CNTNAP4: variants seen among roughly 807,000 people sequenced by gnomAD.
The protein encoded by CNTNAP4 is contactin associated protein family member 4, also known as contactin-associated protein-like 4.
Under a neutral mutation model 148.4 loss-of-function variants are expected in CNTNAP4, and 98 were observed. That is an observed-to-expected ratio of 0.66 (90% CI 0.56 to 0.78). The LOEUF (loss-of-function observed/expected upper bound fraction) is 0.78. CNTNAP4 is among the 30% of genes least tolerant of loss of function. The pLI is 0.00. For synonymous variants in CNTNAP4, 730 were observed against 565.1 expected (o/e 1.29, Z -4.14); for missense variants, 1,935 against 1,565.6 (o/e 1.24, Z -3.98).
intron 3 of CNTNAP4, among the ~76,000 whole-genome samples, chr16:76,415,368 A>G (rs1431434431): frequency 1.3e-5 from 2 of 151,236 alleles, no homozygotes; most frequent in African/African-American, 2.4e-5. Context: ...AGAACTTAAA[A>G]TGAGCATATC....
intron 14 of CNTNAP4, among the ~76,000 whole-genome samples, chr16:76,497,284 A>G (rs2082430912): frequency 6.6e-6 from 1 of 152,218 alleles, no homozygotes. Flanking sequence ...CGTTAAATGA[A>G]TTATGTCTTA....
chr16:76,473,856 GT>G (rs375772105), intron 10 of CNTNAP4, among the ~76,000 whole-genome samples: 53,960 of 147,430 alleles, frequency 0.37, 11,066 homozygotes, highest in Middle Eastern at 0.48. Flanking sequence ...TTTTTGTTTT[GT>G]TTTGTTTTGT....
intron 10 of CNTNAP4, among the ~76,000 whole-genome samples, chr16:76,470,114 G>A (rs1313164469): frequency 1.3e-5 from 2 of 152,038 alleles, no homozygotes; most frequent in East Asian, 3.9e-4. Context: ...TTTCCTATAA[G>A]TATGGAAACA....
At chr16:76,398,236 C>T (rs1030732488) in intron 3 of CNTNAP4, among the ~76,000 whole-genome samples, 2 of 150,586 alleles carry the variant, frequency 1.3e-5, no homozygotes, top group Non-Finnish European at 3.0e-5. Flanking sequence ...ATGGTGCCCA[C>T]CCTGGTTGAG....
At chr16:76,289,542 T>TTTA (rs1555514281) in intron 1 of CNTNAP4, among the ~76,000 whole-genome samples, 3 of 151,326 alleles carry the variant, frequency 2.0e-5, no homozygotes, top group African/African-American at 4.9e-5. Context: ...TTTTTTTTTT[T>TTTA]ACCAGCATTA....
At chr16:76,377,422 G>C (rs2015531799) in intron 3 of CNTNAP4, among the ~76,000 whole-genome samples, 1 of 152,168 alleles carries the variant, frequency 6.6e-6, no homozygotes. Flanking sequence ...AATGATGGAA[G>C]AGAGTCGGAA....
At chr16:76,294,788 AC>A (rs779128009) in intron 1 of CNTNAP4, among the ~76,000 whole-genome samples, 7 of 152,170 alleles carry the variant, frequency 4.6e-5, no homozygotes, top group Non-Finnish European at 1.0e-4. Flanking sequence ...ACATTGTGGT[AC>A]CTGTCATTAC....
At chr16:76,454,207 C>T (rs899010317) in intron 8 of CNTNAP4, among the ~76,000 whole-genome samples, 6 of 151,556 alleles carry the variant, frequency 4.0e-5, no homozygotes, top group South Asian at 2.1e-4. Context: ...CTCCGCCTCC[C>T]GGGTTCAAGT....
At chr16:76,509,389 T>G (rs2082935406) in intron 15 of CNTNAP4, among the ~76,000 whole-genome samples, 1 of 97,016 alleles carries the variant, frequency 1.0e-5, no homozygotes, top group African/African-American at 2.6e-5. Flanking sequence ...TTGCCCTAGG[T>G]GGAGAATCAC....
intron 2 of CNTNAP4, among the ~76,000 whole-genome samples, chr16:76,325,680 A>G (rs1268787944): frequency 6.6e-6 from 1 of 151,182 alleles, no homozygotes; most frequent in Admixed American, 6.6e-5. Flanking sequence ...AAAAAAGGTT[A>G]AATATGAATG....
At chr16:76,461,687 G>A (rs1466829373) in intron 8 of CNTNAP4, among the ~76,000 whole-genome samples, 1 of 152,162 alleles carries the variant, frequency 6.6e-6, no homozygotes, top group Admixed American at 6.5e-5. Context: ...AAATTACATA[G>A]ATGGAAGCTG....
intron 1 of CNTNAP4, among the ~76,000 whole-genome samples, chr16:76,315,597 G>T (rs1283087507): frequency 2.0e-5 from 3 of 152,028 alleles, no homozygotes; most frequent in Non-Finnish European, 4.4e-5. Flanking sequence ...GATCTGTGCT[G>T]TGAAGTCTGT....
chr16:76,424,298 G>A (rs2079299266), intron 3 of CNTNAP4, among the ~76,000 whole-genome samples: 1 of 151,996 alleles, frequency 6.6e-6, no homozygotes, highest in Non-Finnish European at 1.5e-5. Context: ...TCTTTTGGAG[G>A]GTAATTTAAT....
At chr16:76,303,771 T>C (rs1248879925) in intron 1 of CNTNAP4, among the ~76,000 whole-genome samples, 2 of 152,184 alleles carry the variant, frequency 1.3e-5, no homozygotes, top group African/African-American at 4.8e-5. Context: ...AAAACTATGG[T>C]CTTTTGGAAC....
At chr16:76,357,419 T>C (rs1437853688) in intron 3 of CNTNAP4, among the ~76,000 whole-genome samples, 5 of 152,228 alleles carry the variant, frequency 3.3e-5, no homozygotes, top group Admixed American at 1.3e-4. Flanking sequence ...CTTACTCTTA[T>C]TAAAGTTGAG....
intron 17 of CNTNAP4, among the ~76,000 whole-genome samples, chr16:76,526,028 T>G (rs2083716313): frequency 6.6e-6 from 1 of 151,982 alleles, no homozygotes; most frequent in South Asian, 2.1e-4. Context: ...CAGGTAGTGA[T>G]AAATACCATA....
intron 15 of CNTNAP4, among the ~76,000 whole-genome samples, chr16:76,516,057 C>G (rs1263283665): frequency 6.6e-6 from 1 of 152,122 alleles, no homozygotes; most frequent in East Asian, 1.9e-4. Flanking sequence ...AGCCCCGCAT[C>G]CATTAGGTAT....
At chr16:76,540,357 G>T (rs964781026) in intron 20 of CNTNAP4, among the ~76,000 whole-genome samples, 4 of 151,984 alleles carry the variant, frequency 2.6e-5, no homozygotes, top group Non-Finnish European at 5.9e-5. Flanking sequence ...AAGTGTTAAG[G>T]TGAAAAATAA....
chr16:76,289,519 G>T (rs1959024678), intron 1 of CNTNAP4, among the ~76,000 whole-genome samples: 1 of 136,652 alleles, frequency 7.3e-6, no homozygotes, highest in African/African-American at 3.0e-5. Flanking sequence ...TCTTTTCATT[G>T]CCTTTAGCAT....
Sources: allele counts gnomAD v4.1 joint callset (sites outside exome capture counted in the v4.1 genomes callset), GRCh38; gene constraint gnomAD v4.1.1; transcripts MANE v1.5; gene names NCBI Gene and HGNC (gene_info 2026-07-23, HGNC 2026-07-21).